ADAMTS16: variants seen among roughly 807,000 people sequenced by gnomAD.
ADAMTS16 encodes the protein A disintegrin and metalloproteinase with thrombospondin motifs 16.
Under a neutral mutation model 145.8 loss-of-function variants are expected in ADAMTS16, and 94 were observed. The observed-to-expected ratio is 0.64, with a 90% CI of 0.55 to 0.77. The LOEUF is 0.77. Ranked by LOEUF, ADAMTS16 falls within the 30% of genes least tolerant of loss-of-function variation. The pLI is 0.00. For missense variants in ADAMTS16, 1,585 were observed against 1,591.5 expected (o/e 1.00, Z 0.07); for synonymous variants, 659 against 604.3 (o/e 1.09, Z -1.33).
chr5:5,297,745 C>T (rs188102665), intron 18 of ADAMTS16, among the ~76,000 whole-genome samples: 17 of 152,324 alleles, frequency 1.1e-4, no homozygotes, highest in Non-Finnish European at 8.8e-5. Flanking sequence ...AGATGACGCC[C>T]ACAGCGCTGC....
rs554753503 is a variant in ADAMTS16 at position 5,209,266 on chromosome 5, T to C, written c.1605+20T>C. On this transcript the variant is annotated intron_variant, in intron 10 of 22. Coordinates refer to ENST00000274181, the MANE Select transcript of ADAMTS16 (RefSeq NM_139056.4). ...AAAAAGGCAAGTGATTATTGGCACA[T>C]GCTCAATGCAACATGATTCATAAGA... is the stretch of plus-strand genomic sequence containing the variant. The C allele has an allele frequency of 3.7e-6, 6 of 1,612,456 alleles. No homozygotes were observed. In the South Asian group the frequency reaches 4.4e-5, roughly 12 times the overall value.
chr5:5,319,472 C>A lies in ADAMTS16; in HGVS notation c.*334C>A. On this transcript the variant is annotated 3_prime_UTR_variant, in exon 23 of 23. Coordinates refer to ENST00000274181, the MANE Select transcript of ADAMTS16 (RefSeq NM_139056.4). ...AGCTAAATCAAGTCAAAAAGACAGG[C>A]GAGGCTGAACTTGCTAAATGTCTGG... is the stretch of plus-strand genomic sequence containing the variant. 1 of 329,870 alleles carries A rather than the reference C, an allele frequency of 3.0e-6. No individual in the cohort carries two copies. The highest frequency in any genetic ancestry group is 5.7e-6 in the Non-Finnish European group (1 of 175,592). 20.4% of individuals were successfully genotyped at this position (329,870 alleles called of 1,614,324 possible). A position where few individuals can be genotyped will look rare whatever the true frequency, so the allele number is the denominator to read the frequency against.
intron 20 of ADAMTS16, among the ~76,000 whole-genome samples, chr5:5,304,980 C>CAT (rs1739979311): frequency 8.3e-6 from 1 of 120,696 alleles, no homozygotes; most frequent in South Asian, 2.7e-4. Flanking sequence ...CACACACACA[C>CAT]ATCCTACACC....
In ADAMTS16 at chr5:5,269,224, G is replaced by A. The variant is rs1738373226; in HGVS notation, c.2789+6441G>A. On this transcript the variant is annotated intron_variant, in intron 18 of 22. Transcript: ENST00000274181. The surrounding 1 kb of genome is among the most constrained non-coding windows in gnomAD (Gnocchi z 4.3). The stretch of plus-strand genomic sequence containing the variant: ...CACCCAGGCCAGAGGCTGTGGCAGT[G>A]CTGGAACCCTCCCCTCACCAGCACC... Among the ~76,000 whole-genome samples, 1 of 152,002 alleles carries A rather than the reference G, an allele frequency of 6.6e-6. No individual in the cohort carries two copies. The highest frequency in any genetic ancestry group is 2.4e-5 in the African/African-American group (1 of 41,374).
At chr5:5,245,532 C>T (rs1737416395) in intron 17 of ADAMTS16, among the ~76,000 whole-genome samples, 1 of 152,106 alleles carries the variant, frequency 6.6e-6, no homozygotes, top group East Asian at 1.9e-4. Flanking sequence ...TTGCATAGAC[C>T]TCCTGATGTT....
chr5:5,234,545 C>T (rs1013591294), intron 12 of ADAMTS16, among the ~76,000 whole-genome samples: 1 of 152,158 alleles, frequency 6.6e-6, no homozygotes, highest in African/African-American at 2.4e-5. Flanking sequence ...CCTTACCATT[C>T]GTGTGTAAGA....
At chr5:5,182,563 A>G (rs1459554871) in intron 4 of ADAMTS16, among the ~76,000 whole-genome samples, 2 of 152,320 alleles carry the variant, frequency 1.3e-5, no homozygotes, top group African/African-American at 2.4e-5. Flanking sequence ...TAAATGACAC[A>G]GTGTGCAGAA....
intron 17 of ADAMTS16, among the ~76,000 whole-genome samples, chr5:5,249,429 C>G (rs1227030753): frequency 6.6e-6 from 1 of 152,094 alleles, no homozygotes; most frequent in African/African-American, 2.4e-5. Context: ...GTGCCCTTGA[C>G]TCCCTGCATG....
At position 5,306,483 on chromosome 5, in the gene ADAMTS16, CTTTT is replaced by C; in HGVS notation, c.3187-20_3187-17del. Reference sequence around the variant, plus strand: ...AAAAAGAGATTTTTTTCACTGACTTCTTTTGTTCTCTTCTTTTTAGTGCTCTGTG... The same window carrying C: ...AAAAAGAGATTTTTTTCACTGACTTCGTTCTCTTCTTTTTAGTGCTCTGTG... On this transcript the variant is annotated splice_polypyrimidine_tract_variant and intron_variant, in intron 20 of 22. Transcript: ENST00000274181. The C allele has an allele frequency of 6.3e-7, 1 of 1,591,168 alleles. No homozygotes were observed. Among genetic ancestry groups the C allele is most frequent in the Non-Finnish European group, 8.6e-7 (1 of 1,165,452 alleles).
chr5:5,222,202 A>G (rs1042885627), intron 10 of ADAMTS16, among the ~76,000 whole-genome samples: 14 of 152,300 alleles, frequency 9.2e-5, no homozygotes, highest in Middle Eastern at 3.4e-3. Flanking sequence ...TCTTTACCCT[A>G]TGAAGACCAA....
At chr5:5,175,514 C>G (rs1373232520) in intron 3 of ADAMTS16, among the ~76,000 whole-genome samples, 1 of 152,150 alleles carries the variant, frequency 6.6e-6, no homozygotes, top group East Asian at 1.9e-4. Flanking sequence ...CCTTGGCTGG[C>G]GTCTCATTAA....
Position 5,303,373 on chromosome 5 carries a change from C to T in ADAMTS16, c.2895C>T (p.Val965=). The T allele has an allele frequency of 6.2e-7, 1 of 1,602,302 alleles. No individual in the cohort carries two copies. Among genetic ancestry groups the T allele is most frequent in the Non-Finnish European group, 8.5e-7 (1 of 1,175,410 alleles). ...GGGTGCACTATGACTCGGAGCCAGT[C>T]CCGGCCAGCCTGTGCCCTCAGCCTG... ...TRRVHYDSEP[V]PASLCPQPAP... The change falls in exon 19 of 23, where the codon GTC becomes GTT. Residue 965 remains valine (V), a synonymous_variant. Transcript: ENST00000274181.
At chr5:5,288,041 G>A (rs1739167707) in intron 18 of ADAMTS16, among the ~76,000 whole-genome samples, 2 of 152,144 alleles carry the variant, frequency 1.3e-5, no homozygotes, top group South Asian at 2.1e-4. Flanking sequence ...AAACCCTGAC[G>A]CGAAAATGCC....
At chr5:5,276,589 G>A (rs1023537010) in intron 18 of ADAMTS16, among the ~76,000 whole-genome samples, 1 of 152,196 alleles carries the variant, frequency 6.6e-6, no homozygotes, top group Non-Finnish European at 1.5e-5. Context: ...CATTCTTCAA[G>A]GGGTGTTGGA....
chr5:5,234,869 C>CAAA (rs1553993127), intron 12 of ADAMTS16, 145 bp from the exon 13 acceptor site: 18 of 56,454 alleles, frequency 3.2e-4, no homozygotes, highest in Admixed American at 1.0e-3. Flanking sequence ...GACTCCATCT[C>CAAA]AAAAAAAAAA....
At chr5:5,181,139 A>G (rs1490745420) in intron 3 of ADAMTS16, among the ~76,000 whole-genome samples, 1 of 152,196 alleles carries the variant, frequency 6.6e-6, no homozygotes, top group Non-Finnish European at 1.5e-5. Context: ...TATTGAAGAA[A>G]TTCTTACAAG....
chr5:5,222,766 G>A (rs1374425916), intron 10 of ADAMTS16, 23 bp from the exon 11 acceptor site: 2 of 1,585,794 alleles, frequency 1.3e-6, no homozygotes, highest in Non-Finnish European at 8.7e-7. Context: ...TAATCCTAAT[G>A]ACCTTTTACA....
intron 3 of ADAMTS16, among the ~76,000 whole-genome samples, chr5:5,175,786 G>A (rs563359162): frequency 6.6e-4 from 101 of 152,208 alleles, no homozygotes; most frequent in Non-Finnish European, 1.2e-3. Flanking sequence ...CACTGTGATA[G>A]GGCAGCACTG....
At chr5:5,302,749 G>A (rs73738805) in intron 18 of ADAMTS16, among the ~76,000 whole-genome samples, 14,256 of 152,136 alleles carry the variant, frequency 0.094, 715 homozygotes, top group Middle Eastern at 0.15. Flanking sequence ...GCCCTTCAGG[G>A]ATGTTAACGA....
Sources: gnomAD v4.1 joint callset for allele counts (sites outside exome capture counted in the v4.1 genomes callset) on GRCh38, gnomAD v4.1.1 for gene constraint, Gnocchi (gnomAD v3.1) non-coding constraint, MANE v1.5 for transcripts, NCBI Gene and HGNC (gene_info 2026-07-23, HGNC 2026-07-21) for gene names.